Variants in ZNF544 observed in about 807,000 individuals in gnomAD.
The protein encoded by ZNF544 is zinc finger protein AF020591.
In ZNF544, 10 loss-of-function variants were observed where a neutral mutation model predicts 13.5. The observed-to-expected ratio is 0.74, with a 90% confidence interval of 0.46 to 1.25. ZNF544 has a LOEUF of 1.25. ZNF544 is among the 50% of genes most tolerant of loss of function. ZNF544 has a pLI of 0.00. For missense variants in ZNF544, 896 were observed against 845.6 expected (o/e 1.06, Z -0.74); for synonymous variants, 323 against 300.5 (o/e 1.07, Z -0.77).
At chr19:58,267,676 T>TAA (rs56839702), downstream of ZNF544, 2,784 of 108,336 alleles carry the variant, frequency 0.026, 64 homozygotes, top group Admixed American at 0.039. Context: ...AGACTCCATC[T>TAA]AAAAAAAAAA....
Position 58,262,144 on chromosome 19 carries a change from C to T in ZNF544, c.1538C>T (p.Thr513Ile), listed in dbSNP as rs145913321. 4.3e-6 allele frequency: 7 copies of T among 1,613,206 alleles called. No homozygotes were observed. Among genetic ancestry groups the T allele is most frequent in the East Asian group, 4.5e-5 (2 of 44,828 alleles). The change falls in exon 7 of 7, where the codon ACA (threonine) becomes ATA (isoleucine). Residue 513 changes from threonine to isoleucine, a missense_variant. Thr to Ile is a moderately conservative substitution (Grantham distance 89). Coordinates refer to ENST00000687789, the MANE Select transcript of ZNF544 (RefSeq NM_014480.4). ...TATGACCTTGTTGTACATCAGAGGA[C>T]ACACACTGGAGAGAAGCCCTATGAG... ...QKYDLVVHQRTHTGEKPYECN... is the reference protein window; with the variant it reads ...QKYDLVVHQRIHTGEKPYECN...
At chr19:58,242,386 GA>G in intron 3 of ZNF544, 2 of 725,838 alleles carry the variant, frequency 2.8e-6, no homozygotes, top group Non-Finnish European at 3.4e-6. Flanking sequence ...ATATTCCAGG[GA>G]ATTTTTTTTT....
chr19:58,244,596 C>T (rs760419824), intron 4 of ZNF544, among the ~76,000 whole-genome samples: 1 of 151,944 alleles, frequency 6.6e-6, no homozygotes, highest in Non-Finnish European at 1.5e-5. Flanking sequence ...TATTTTTTGA[C>T]GTAGGATCTC....
intron 3 of ZNF544, among the ~76,000 whole-genome samples, chr19:58,234,299 T>C (rs2041954440): frequency 6.6e-6 from 1 of 152,258 alleles, no homozygotes; most frequent in Non-Finnish European, 1.5e-5. Context: ...AGCTTCTGCC[T>C]GTGCATTGGG....
chr19:58,240,366 T>C (rs570460418), intron 3 of ZNF544, among the ~76,000 whole-genome samples: 2 of 151,892 alleles, frequency 1.3e-5, no homozygotes, highest in East Asian at 3.9e-4. Context: ...CACGCCATTC[T>C]CCTGCCTCAA....
downstream of ZNF544, chr19:58,266,835 G>GTT (rs1210183604): frequency 6.6e-6 from 1 of 152,224 alleles, no homozygotes; most frequent in Non-Finnish European, 1.5e-5. Context: ...TGCAGCAAGG[G>GTT]CTGCTTTATT....
rs2048870496 is a variant in ZNF544 at position 58,261,236 on chromosome 19, G to A, written c.630G>A (p.Gly210=). The A allele has an allele frequency of 1.2e-6, 2 of 1,614,054 alleles. No homozygotes were observed. Among genetic ancestry groups the A allele is most frequent in the Admixed American group, 1.7e-5 (1 of 59,994 alleles). Reference sequence around the variant, plus strand: ...ATCATGAGAAAAATGGAGCAGATGGGAAGCACTGTGAGAGTCATCAGTGTG... The same window carrying A: ...ATCATGAGAAAAATGGAGCAGATGGAAAGCACTGTGAGAGTCATCAGTGTG... ...FINHEKNGAD[G]KHCESHQCAR... is the part of the protein sequence containing the mutation. Residue 210 remains glycine, a synonymous_variant, in exon 7 of 7, where the codon GGG becomes GGA. Transcript: ENST00000687789.
chr19:58,232,781 A>T (rs1027325483), intron 3 of ZNF544, among the ~76,000 whole-genome samples: 1 of 148,518 alleles, frequency 6.7e-6, no homozygotes, highest in African/African-American at 2.6e-5. Context: ...AAAAAAAAAA[A>T]AAAAAAATAC....
intron 6 of ZNF544, among the ~76,000 whole-genome samples, chr19:58,249,255 G>A (rs1364047781): frequency 6.6e-6 from 1 of 152,120 alleles, no homozygotes; most frequent in East Asian, 1.9e-4. Flanking sequence ...CTTTATGGGA[G>A]GTAAAGGGAT....
downstream of ZNF544, among the ~76,000 whole-genome samples, chr19:58,268,692 T>C (rs2050238437): frequency 6.6e-6 from 1 of 152,168 alleles, no homozygotes; most frequent in South Asian, 2.1e-4. Context: ...CTTTTCTAAA[T>C]AGGTAAAAGT....
At chr19:58,235,210 G>A (rs1384879434) in intron 3 of ZNF544, among the ~76,000 whole-genome samples, 2 of 152,210 alleles carry the variant, frequency 1.3e-5, no homozygotes, top group African/African-American at 2.4e-5. Context: ...GCTACACAGC[G>A]TGTTATTGTA....
intron 6 of ZNF544, among the ~76,000 whole-genome samples, chr19:58,251,116 TTGTTA>T: frequency 6.6e-6 from 1 of 152,354 alleles, no homozygotes; most frequent in South Asian, 2.1e-4. Context: ...TCAGGAATGC[TTGTTA>T]TAAGAATTAA....
chr19:58,239,284 TC>T (rs1478749283), intron 3 of ZNF544, among the ~76,000 whole-genome samples: 1 of 152,154 alleles, frequency 6.6e-6, no homozygotes, highest in Non-Finnish European at 1.5e-5. Flanking sequence ...TTTTACACCT[TC>T]CTGGCCTCTG....
At chr19:58,268,920 G>T (rs1485691093), downstream of ZNF544, among the ~76,000 whole-genome samples, 14 of 152,190 alleles carry the variant, frequency 9.2e-5, no homozygotes, top group Non-Finnish European at 1.5e-4. Context: ...TTTCAAGGAA[G>T]TTAGTTTATA....
At chr19:58,229,596 G>A (rs764277630) in intron 2 of ZNF544, 26 bp downstream of exon 2, 3 of 152,460 alleles carry the variant, frequency 2.0e-5, no homozygotes, top group South Asian at 2.1e-4. Flanking sequence ...ACCTTGCAGA[G>A]AACATGTGTA....
chr19:58,260,675 A>T, intron 6 of ZNF544, 176 bp from the exon 7 acceptor site: 1 of 601,056 alleles, frequency 1.7e-6, no homozygotes, highest in Non-Finnish European at 2.8e-6. Flanking sequence ...GCACTTTACC[A>T]CTGATACCAT....
chr19:58,266,017 C>A (rs534333883), downstream of ZNF544, among the ~76,000 whole-genome samples: 15 of 151,798 alleles, frequency 9.9e-5, no homozygotes, highest in African/African-American at 3.6e-4. Flanking sequence ...CCAGCCTGGC[C>A]AACATGGTGA....
intron 6 of ZNF544, among the ~76,000 whole-genome samples, chr19:58,256,178 GA>G (rs983196976): frequency 1.3e-5 from 2 of 152,238 alleles, no homozygotes; most frequent in African/African-American, 4.8e-5. Context: ...AACAAAAAGA[GA>G]AAAGAAAGAA....
rs1255304530 is a variant in ZNF544 at position 58,262,228 on chromosome 19, T to A, written c.1622T>A (p.Ile541Asn). 2 of 1,613,942 alleles carry A rather than the reference T, an allele frequency of 1.2e-6. No homozygotes were observed. The highest frequency in any genetic ancestry group is 4.5e-5 in the East Asian group (2 of 44,862). ...QSSKLITHQR[I>N]HTGEKPYQCI... ...TCCAAACTTATTACGCATCAGCGAA[T>A]TCACACTGGAGAAAAACCGTATCAG... The change falls in exon 7 of 7, where the codon ATT (isoleucine) becomes AAT (asparagine). Residue 541 changes from isoleucine to asparagine, a missense_variant. Transcript: ENST00000687789.
Sources: gnomAD v4.1 joint callset for allele counts (sites outside exome capture counted in the v4.1 genomes callset) on GRCh38, gnomAD v4.1.1 for gene constraint, MANE v1.5 for transcripts, NCBI Gene and HGNC (gene_info 2026-07-23, HGNC 2026-07-21) for gene names.